TG: variants seen among roughly 807,000 people sequenced by gnomAD.
TG encodes the protein thyroid hormones.
A neutral mutation model predicts 324.7 loss-of-function variants in TG; 270 were observed. That is an observed-to-expected ratio of 0.83 (90% CI 0.75 to 0.92). The LOEUF (loss-of-function observed/expected upper bound fraction) is 0.92, where lower values mean the gene tolerates loss of function less well. TG is among the 40% of genes least tolerant of loss of function. The pLI is 0.00. For synonymous variants in TG, 1,401 were observed against 1,327.0 expected (o/e 1.06, Z -1.21); for missense variants, 3,591 against 3,456.4 (o/e 1.04, Z -0.98).
At chr8:132,983,191 G>C (rs1032148825) in intron 34 of TG, among the ~76,000 whole-genome samples, 159 bp from the exon 35 acceptor site, 1 of 152,072 alleles carries the variant, frequency 6.6e-6, no homozygotes, top group Non-Finnish European at 1.5e-5. Context: ...TGTTAGCTCA[G>C]CATCATCCAG....
At chr8:133,023,163 G>A (rs540827891) in intron 40 of TG, among the ~76,000 whole-genome samples, 8 of 152,198 alleles carry the variant, frequency 5.3e-5, no homozygotes, top group East Asian at 1.9e-4. Context: ...TGGGGTAGGC[G>A]TCCAGCATGA....
chr8:132,941,022 A>G (rs1311629055), intron 25 of TG, among the ~76,000 whole-genome samples: 3 of 152,248 alleles, frequency 2.0e-5, no homozygotes, highest in Admixed American at 6.5e-5. Context: ...GTCTGTGTAT[A>G]TACTTACAGT....
At chr8:133,025,856 G>A (rs763734331) in intron 40 of TG, among the ~76,000 whole-genome samples, 34 of 152,316 alleles carry the variant, frequency 2.2e-4, no homozygotes, top group Non-Finnish European at 3.8e-4. Flanking sequence ...CATCTGAGCA[G>A]GATGGGGTCT....
intron 32 of TG, 73 bp downstream of exon 32, chr8:132,969,642 G>C: frequency 1.7e-6 from 2 of 1,177,298 alleles, no homozygotes; most frequent in Non-Finnish European, 2.5e-6. Context: ...CACAATCACA[G>C]CTAAAAACAG....
chr8:133,002,335 G>A (rs970264453), intron 35 of TG: 12 of 985,178 alleles, frequency 1.2e-5, no homozygotes, highest in Admixed American at 6.1e-5. Flanking sequence ...CTTCCATGAT[G>A]ATTTAGTTGG....
rs79606434 is a variant in TG at position 133,053,531 on chromosome 8, C to T, written c.7239+23508C>T. 5.6e-4 allele frequency among the ~76,000 whole-genome samples: 85 copies of T among 152,212 alleles called. 1 individual carries two copies. In the East Asian group the frequency reaches 0.014, roughly 26 times the overall value. ...GCTGGGTAGGTGGCCATTGTGGAAC[C>T]AGCCCCTTGCAAAAAACGTGTTGAA... On this transcript the variant is annotated intron_variant, in intron 41 of 47. Coordinates refer to ENST00000220616, the MANE Select transcript of TG (RefSeq NM_003235.5).
chr8:132,990,369 T>A (rs1349694620), intron 35 of TG, among the ~76,000 whole-genome samples: 2 of 152,110 alleles, frequency 1.3e-5, no homozygotes, highest in Non-Finnish European at 2.9e-5. Context: ...CAATGTGTAA[T>A]GATCATACCA....
At chr8:133,011,862 T>G in intron 35 of TG, 39 bp from the exon 36 acceptor site, 1 of 1,613,960 alleles carries the variant, frequency 6.2e-7, no homozygotes. Context: ...ACTCACCAGG[T>G]GACAACTGCA....
intron 15 of TG, 129 bp from the exon 16 acceptor site, chr8:132,901,224 C>T: frequency 1.8e-6 from 2 of 1,087,544 alleles, no homozygotes; most frequent in South Asian, 2.6e-5. Flanking sequence ...GGGAGGCAGC[C>T]CCAGACCCCT....
At chr8:132,952,984 G>A (rs1483197490) in intron 27 of TG, among the ~76,000 whole-genome samples, 1 of 152,240 alleles carries the variant, frequency 6.6e-6, no homozygotes, top group Non-Finnish European at 1.5e-5. Flanking sequence ...AGTGGAAAGT[G>A]CTTTGGAGTT....
intron 35 of TG, among the ~76,000 whole-genome samples, chr8:132,988,172 G>T (rs1182170693): frequency 6.6e-6 from 1 of 151,934 alleles, no homozygotes; most frequent in African/African-American, 2.4e-5. Flanking sequence ...CAGTGGAACT[G>T]TTCCTAGGCT....
intron 41 of TG, chr8:133,038,344 G>A (rs1837462364): frequency 1.6e-6 from 1 of 611,040 alleles, no homozygotes; most frequent in Admixed American, 2.9e-5. Flanking sequence ...CACCAGGGAG[G>A]GGTTCCTTTG....
chr8:133,074,789 C>T (rs1204154262), intron 41 of TG: 4 of 918,360 alleles, frequency 4.4e-6, no homozygotes, highest in South Asian at 5.0e-5. Flanking sequence ...CCCCTGCCAA[C>T]TGCGTGTTGA....
At chr8:133,006,455 G>A (rs561258380) in intron 35 of TG, among the ~76,000 whole-genome samples, 2 of 152,352 alleles carry the variant, frequency 1.3e-5, no homozygotes, top group East Asian at 1.9e-4. Context: ...TGAGAACTAC[G>A]ATGGACGGGT....
At chr8:133,123,493 C>T (rs4363178) in intron 45 of TG, among the ~76,000 whole-genome samples, 2,558 of 152,248 alleles carry the variant, frequency 0.017, 67 homozygotes, top group African/African-American at 0.059. Flanking sequence ...TGCCCAGGTA[C>T]CTTTCAAGGC....
chr8:132,942,030 A>G (rs1824522117), intron 26 of TG, among the ~76,000 whole-genome samples: 1 of 152,190 alleles, frequency 6.6e-6, no homozygotes, highest in South Asian at 2.1e-4. Flanking sequence ...ACTGCATACC[A>G]GGTCCTGTGA....
intron 43 of TG, among the ~76,000 whole-genome samples, chr8:133,109,256 A>G (rs562237042): frequency 6.6e-6 from 1 of 152,310 alleles, no homozygotes; most frequent in Non-Finnish European, 1.5e-5. Context: ...GGAGCTTGTT[A>G]AAATGCACGT....
intron 35 of TG, among the ~76,000 whole-genome samples, chr8:133,006,862 T>A (rs763248977): frequency 6.1e-4 from 93 of 152,398 alleles, no homozygotes; most frequent in Middle Eastern, 6.8e-3. Context: ...GATTTCAGTT[T>A]TGAATTTTTT....
Position 132,969,486 on chromosome 8 carries a change from T to C in TG, c.5892T>C (p.Phe1964=). The part of the protein sequence containing the change: ...KVILEDKVKN[F]YTRLPFQKLM... ...TACTGGAAGATAAAGTGAAGAACTT[T>C]TACACTCGCCTGCCGTTCCAAAAAC... The change falls in exon 32 of 48, where the codon TTT becomes TTC. Residue 1964 remains phenylalanine, a synonymous_variant. Coordinates refer to ENST00000220616, the MANE Select transcript of TG (RefSeq NM_003235.5). The C allele has an allele frequency of 1.9e-6, 3 of 1,613,922 alleles. No homozygotes were observed. In the South Asian group the frequency reaches 3.3e-5, roughly 18 times the overall value.
Sources: gnomAD v4.1 joint callset for allele counts (sites outside exome capture counted in the v4.1 genomes callset) on GRCh38, gnomAD v4.1.1 for gene constraint, MANE v1.5 for transcripts, NCBI Gene and HGNC (gene_info 2026-07-23, HGNC 2026-07-21) for gene names.